Variants in CMTM8 observed in about 807,000 individuals in gnomAD.
The protein encoded by CMTM8 is CKLF like MARVEL transmembrane domain containing 8, also known as CKLF-like MARVEL transmembrane domain-containing protein 8.
In CMTM8, 12 loss-of-function variants were observed where a neutral mutation model predicts 18.6. The ratio of observed to expected loss-of-function variants is 0.65; its 90% CI spans 0.41 to 1.05. The LOEUF (loss-of-function observed/expected upper bound fraction) is 1.05, where lower values mean the gene tolerates loss of function less well. Among genes scored for constraint, CMTM8 ranks in the 50% least tolerant of loss-of-function variants. The pLI is 0.00. For missense variants in CMTM8, 217 were observed against 227.2 expected (o/e 0.95, Z 0.29); for synonymous variants, 87 against 90.6 (o/e 0.96, Z 0.23).
At chr3:32,279,895 A>G (rs920027015) in intron 1 of CMTM8, among the ~76,000 whole-genome samples, 1 of 148,674 alleles carries the variant, frequency 6.7e-6, no homozygotes, top group South Asian at 2.2e-4. Flanking sequence ...ATGATATCTC[A>G]TAGTGGTTTT....
intron 1 of CMTM8, among the ~76,000 whole-genome samples, chr3:32,273,315 T>C (rs1197374281): frequency 6.6e-6 from 1 of 150,716 alleles, no homozygotes. Flanking sequence ...TATCCCAAGA[T>C]ATGTGTATGT....
At chr3:32,342,243 A>T (rs1559384706) in intron 1 of CMTM8, among the ~76,000 whole-genome samples, 1 of 152,180 alleles carries the variant, frequency 6.6e-6, no homozygotes, top group Non-Finnish European at 1.5e-5. Context: ...ATGAGACTCC[A>T]TCTCAAAAAA....
chr3:32,352,539 G>A (rs1343041403), intron 1 of CMTM8, among the ~76,000 whole-genome samples: 1 of 152,202 alleles, frequency 6.6e-6, no homozygotes, highest in African/African-American at 2.4e-5. Context: ...GAGGAAAGAA[G>A]GAACTACCTT....
At chr3:32,357,886 G>A (rs17279970) in intron 2 of CMTM8, among the ~76,000 whole-genome samples, 60,598 of 152,066 alleles carry the variant, frequency 0.4, 12,525 homozygotes, top group Middle Eastern at 0.59. Context: ...ATATGCCAGG[G>A]CGCCAACCTC....
intron 1 of CMTM8, among the ~76,000 whole-genome samples, chr3:32,268,103 C>T (rs1425505705): frequency 1.3e-5 from 2 of 152,106 alleles, no homozygotes; most frequent in Non-Finnish European, 2.9e-5. Context: ...GGTATATACC[C>T]AAAGGATTAT....
intron 1 of CMTM8, among the ~76,000 whole-genome samples, chr3:32,287,687 A>G (rs1702708755): frequency 6.6e-6 from 1 of 152,254 alleles, no homozygotes; most frequent in Non-Finnish European, 1.5e-5. Context: ...TGAGAATCCA[A>G]ATAAATATTT....
At chr3:32,347,858 A>G (rs1370321441) in intron 1 of CMTM8, among the ~76,000 whole-genome samples, 1 of 152,148 alleles carries the variant, frequency 6.6e-6, no homozygotes, top group Non-Finnish European at 1.5e-5. Context: ...GACATCAGGC[A>G]TGGTGATGAG....
chr3:32,298,670 C>T (rs934115889), intron 1 of CMTM8, among the ~76,000 whole-genome samples: 4 of 150,922 alleles, frequency 2.7e-5, no homozygotes, highest in African/African-American at 9.7e-5. Flanking sequence ...GGGTTTCACT[C>T]TGTCACCCAG....
chr3:32,296,447 A>G (rs1702880969), intron 1 of CMTM8, among the ~76,000 whole-genome samples: 1 of 152,212 alleles, frequency 6.6e-6, no homozygotes, highest in Admixed American at 6.5e-5. Context: ...TAGAATAGGA[A>G]GTGGATACAT....
intron 1 of CMTM8, among the ~76,000 whole-genome samples, chr3:32,311,585 GATTCTTAATCCCATGTGCA>G (rs1268170730): frequency 6.6e-6 from 1 of 152,132 alleles, no homozygotes; most frequent in Non-Finnish European, 1.5e-5. Context: ...CTCACTTTAA[GATTCTTAATCCCATGTGCA>G]ATGTCCTCTT....
At chr3:32,275,717 A>G (rs1702507384) in intron 1 of CMTM8, among the ~76,000 whole-genome samples, 1 of 138,170 alleles carries the variant, frequency 7.2e-6, no homozygotes, top group South Asian at 2.3e-4. Context: ...TAGTGTGACC[A>G]CAGCTCACTG....
intron 1 of CMTM8, among the ~76,000 whole-genome samples, chr3:32,321,690 C>T (rs942449587): frequency 6.6e-6 from 1 of 152,142 alleles, no homozygotes; most frequent in Non-Finnish European, 1.5e-5. Flanking sequence ...CCTGACTTCC[C>T]GGGCTCAAGC....
intron 1 of CMTM8, among the ~76,000 whole-genome samples, chr3:32,258,429 A>G (rs557284178): frequency 2.0e-5 from 3 of 152,296 alleles, no homozygotes; most frequent in East Asian, 3.9e-4. Flanking sequence ...AACATATATA[A>G]GGAATAATGA....
At chr3:32,284,615 C>T (rs936092188) in intron 1 of CMTM8, among the ~76,000 whole-genome samples, 2 of 152,188 alleles carry the variant, frequency 1.3e-5, no homozygotes, top group Non-Finnish European at 2.9e-5. Context: ...TGATTGGTGC[C>T]TGTCTCCAGC....
At chr3:32,329,296 C>T (rs890659864) in intron 1 of CMTM8, among the ~76,000 whole-genome samples, 1 of 152,138 alleles carries the variant, frequency 6.6e-6, no homozygotes, top group South Asian at 2.1e-4. Flanking sequence ...GAACTCCTGA[C>T]CTCAAGTGAT....
At chr3:32,258,071 C>T (rs1426493344) in intron 1 of CMTM8, among the ~76,000 whole-genome samples, 1 of 152,174 alleles carries the variant, frequency 6.6e-6, no homozygotes, top group African/African-American at 2.4e-5. Flanking sequence ...TAAATGTACT[C>T]TTTAGCAGAT....
intron 1 of CMTM8, among the ~76,000 whole-genome samples, chr3:32,298,815 ACACGTG>A (rs1695540310): frequency 8.1e-6 from 1 of 123,884 alleles, no homozygotes; most frequent in Non-Finnish European, 1.6e-5. Context: ...ATATATATAT[ACACGTG>A]TGTATGTGTA....
At chr3:32,257,916 C>T (rs1702195262) in intron 1 of CMTM8, among the ~76,000 whole-genome samples, 1 of 151,982 alleles carries the variant, frequency 6.6e-6, no homozygotes, top group African/African-American at 2.4e-5. Context: ...GAAATATTGG[C>T]AGGGCTGGGA....
chr3:32,324,199 C>T (rs555611977), intron 1 of CMTM8, among the ~76,000 whole-genome samples: 1 of 152,222 alleles, frequency 6.6e-6, no homozygotes, highest in Admixed American at 6.5e-5. Flanking sequence ...TGCAACATGA[C>T]CTATTACCCC....
Sources: allele counts gnomAD v4.1 joint callset (sites outside exome capture counted in the v4.1 genomes callset), GRCh38; gene constraint gnomAD v4.1.1; transcripts MANE v1.5; gene names NCBI Gene and HGNC (gene_info 2026-07-23, HGNC 2026-07-21).